SSBP4: variants seen among roughly 807,000 people sequenced by gnomAD.
The protein encoded by SSBP4 is single-stranded DNA-binding protein 4.
A neutral mutation model predicts 64.6 loss-of-function variants in SSBP4; 33 were observed. The ratio of observed to expected loss-of-function variants is 0.51; its 90% CI spans 0.39 to 0.68. The LOEUF is 0.68. SSBP4 is among the 30% of genes least tolerant of loss of function. The pLI is 0.00. For synonymous variants in SSBP4, 243 were observed against 224.0 expected (o/e 1.08, Z -0.76); for missense variants, 583 against 566.8 (o/e 1.03, Z -0.29).
the SSBP4 span, among the ~76,000 whole-genome samples, chr19:18,407,253 G>C: frequency 6.6e-6 from 1 of 151,864 alleles, no homozygotes; most frequent in Non-Finnish European, 1.5e-5. Flanking sequence ...GGCCAGGCTG[G>C]TCTCGAACTC....
At position 18,431,383 on chromosome 19, in the gene SSBP4, A is replaced by C; in HGVS notation, c.400A>C (p.Asn134His). 3 of 1,111,366 alleles carry C rather than the reference A, an allele frequency of 2.7e-6. No individual in the cohort carries two copies. The highest frequency in any genetic ancestry group is 3.5e-6 in the Non-Finnish European group (3 of 867,740). 68.8% of individuals were successfully genotyped at this position (1,111,366 alleles called of 1,614,324 possible). The change falls in exon 6 of 18, where the codon AAC becomes CAC. Residue 134 changes from asparagine (N) to histidine (H), a missense_variant. Around this residue, in one of 5 missense-constraint regions of SSBP4, gnomAD observed 444 missense variants for 386.6 expected, o/e 1.15. Transcript: ENST00000270061. ...CCCCGGCTCCCAGCCGTCCCCCCAC[A>C]ACCCCAACGCCCCCATGATGGGGCC... ...GPPGSQPSPH[N>H]PNAPMMGPHG...
chr19:18,422,077 C>A (rs1337853517), intron 1 of SSBP4, among the ~76,000 whole-genome samples: 2 of 152,122 alleles, frequency 1.3e-5, no homozygotes, highest in African/African-American at 4.8e-5. Flanking sequence ...GAAAGGATCG[C>A]TTGAACCTAG....
intron 6 of SSBP4, 32 bp downstream of exon 6, chr19:18,431,450 C>A: frequency 1.6e-6 from 2 of 1,251,706 alleles, no homozygotes; most frequent in Non-Finnish European, 2.2e-6. Context: ...CCCTCACACA[C>A]ACACATCCCC....
rs1463349461 is a variant in SSBP4 at position 18,431,783 on chromosome 19, C to A, written c.496-10C>A. The A allele has an allele frequency of 3.9e-6, 6 of 1,547,210 alleles. No homozygotes were observed. In the South Asian group the frequency reaches 7.1e-5, roughly 18 times the overall value. ...ACCCCACACTCAGTGCCGCCGCACC[C>A]CCTCCGCAGCCTCCCGCAGGCCTCC... is the stretch of plus-strand genomic sequence containing the variant. On this transcript the variant is annotated splice_polypyrimidine_tract_variant and intron_variant, in intron 7 of 17. Transcript: ENST00000270061.
chr19:18,429,476 G>T (rs1288480226), intron 4 of SSBP4, among the ~76,000 whole-genome samples: 1 of 151,836 alleles, frequency 6.6e-6, no homozygotes, highest in Non-Finnish European at 1.5e-5. Flanking sequence ...GGGGCGGGGG[G>T]GGGGTGCGGT....
In SSBP4 at chr19:18,434,213, G is replaced by A. The variant is rs759707465; in HGVS notation, c.1129-4G>A. On this transcript the variant is annotated splice_region_variant and splice_polypyrimidine_tract_variant and intron_variant, in intron 17 of 17. Coordinates refer to ENST00000270061, the MANE Select transcript of SSBP4 (RefSeq NM_032627.5). ...CTGCGCGCTGCCCCCTCCTCTCTCC[G>A]CAGTACTCGCCAGGGATGACCATGA... 6.2e-7 allele frequency: 1 copy of A among 1,611,540 alleles called. No individual in the cohort carries two copies. The highest frequency in any genetic ancestry group is 8.5e-7 in the Non-Finnish European group (1 of 1,179,442).
In SSBP4 at chr19:18,432,164, G is replaced by T; in HGVS notation, c.654G>T (p.Met218Ile). Residue 218 changes from methionine (M) to isoleucine (I), a missense_variant, in exon 10 of 18, where the codon ATG becomes ATT. Met to Ile is a conservative substitution (Grantham distance 10, BLOSUM62 1). This residue lies in a region of SSBP4 where 444 missense variants were observed against 386.6 expected (regional missense o/e 1.15). Coordinates refer to ENST00000270061, the MANE Select transcript of SSBP4 (RefSeq NM_032627.5). ...CTCCGCAGAGCTATGGAGGTGGCAT[G>T]CGACCCCCACCCAACTCCCTCGCCG... ...SVGPQSYGGG[M>I]RPPPNSLAGP... The T allele has an allele frequency of 5.0e-6, 8 of 1,613,166 alleles. No individual in the cohort carries two copies. The highest frequency in any genetic ancestry group is 6.8e-6 in the Non-Finnish European group (8 of 1,179,962).
chr19:18,418,970 C>A, upstream of SSBP4: 1 of 985,482 alleles, frequency 1.0e-6, no homozygotes. The surrounding 1 kb of genome is among the most constrained non-coding windows in gnomAD (Gnocchi z 6.7). Context: ...CCCACCCTTG[C>A]TGAGTGTGGG....
At chr19:18,433,686 CGA>C (rs1446191405) in intron 16 of SSBP4, 22 bp from the exon 17 acceptor site, 2 of 1,390,596 alleles carry the variant, frequency 1.4e-6, no homozygotes, top group African/African-American at 3.1e-5. Flanking sequence ...CGGGGAGTTG[CGA>C]GCCGACGGCG....
chr19:18,405,550 C>T, the SSBP4 span, among the ~76,000 whole-genome samples: 1 of 151,988 alleles, frequency 6.6e-6, no homozygotes, highest in Admixed American at 6.6e-5. Flanking sequence ...GACACCCATG[C>T]TGGAGTGCAA....
chr19:18,429,419 C>A (rs1331879791), intron 4 of SSBP4, among the ~76,000 whole-genome samples: 1 of 143,256 alleles, frequency 7.0e-6, no homozygotes, highest in Non-Finnish European at 1.5e-5. Context: ...GCGCGCCGCC[C>A]GGGATTAACT....
Position 18,430,727 on chromosome 19 carries a change from A to G in SSBP4, c.280-114A>G, listed in dbSNP as rs753537778. On this transcript the variant is annotated intron_variant, in intron 4 of 17. Coordinates refer to ENST00000270061, the MANE Select transcript of SSBP4 (RefSeq NM_032627.5). ...ACAACCCCAGTGTGCTCACTGACCAATGCCAGCTCGCTGTCCCATGGGGCC... is the reference window on the plus strand; with the variant it reads ...ACAACCCCAGTGTGCTCACTGACCAGTGCCAGCTCGCTGTCCCATGGGGCC... 28 of 885,178 alleles carry G rather than the reference A, an allele frequency of 3.2e-5. No homozygotes were observed. The Middle Eastern group carries it at 7.2e-4, about 23-fold the overall frequency. 54.8% of individuals were successfully genotyped at this position (885,178 alleles called of 1,614,324 possible).
chr19:18,410,232 A>G, the SSBP4 span, among the ~76,000 whole-genome samples: 142 of 151,604 alleles, frequency 9.4e-4, 1 homozygote, highest in Admixed American at 3.0e-3. Flanking sequence ...TCCTGACCTC[A>G]TGATCCGCCC....
rs748532041 is a variant in SSBP4 at position 18,427,824 on chromosome 19, G to A, written c.194+11G>A. ...GCACTCCTGGTGGTGGTACGGGCTGGGCTGCTGTGGGTGGGCTGTGGAAGG... is the reference window on the plus strand; with the variant it reads ...GCACTCCTGGTGGTGGTACGGGCTGAGCTGCTGTGGGTGGGCTGTGGAAGG... On this transcript the variant is annotated intron_variant, in intron 3 of 17. Transcript: ENST00000270061. The surrounding 1 kb of genome is among the most constrained non-coding windows in gnomAD (Gnocchi z 4.4). The A allele has an allele frequency of 6.2e-7, 1 of 1,612,458 alleles. No homozygotes were observed. Among genetic ancestry groups the A allele is most frequent in the Admixed American group, 1.7e-5 (1 of 59,960 alleles).
chr19:18,408,849 G>A, the SSBP4 span, among the ~76,000 whole-genome samples: 2 of 150,024 alleles, frequency 1.3e-5, no homozygotes, highest in Non-Finnish European at 3.0e-5. Flanking sequence ...GGTCTCACTC[G>A]GTCACCCAGG....
chr19:18,417,296 T>C (rs766253388), upstream of SSBP4, among the ~76,000 whole-genome samples: 18 of 152,066 alleles, frequency 1.2e-4, no homozygotes, highest in Admixed American at 2.6e-4. This position sits in a 1 kb window ranked among gnomAD's most constrained non-coding sequence, Gnocchi z 5.4. Context: ...CAGTAGGCGC[T>C]CAATACATGT....
At chr19:18,409,113 C>A in the SSBP4 span, among the ~76,000 whole-genome samples, 1 of 151,970 alleles carries the variant, frequency 6.6e-6, no homozygotes, top group Admixed American at 6.6e-5. Flanking sequence ...CATGCCCGGC[C>A]TAAATCAGCA....
In SSBP4 at chr19:18,427,477, C is replaced by A; in HGVS notation, c.132+54C>A. 6.3e-7 allele frequency: 1 copy of A among 1,578,652 alleles called. No individual in the cohort carries two copies. Among genetic ancestry groups the A allele is most frequent in the South Asian group, 1.1e-5 (1 of 89,498 alleles). Reference sequence around the variant, plus strand: ...CCTCCTCACCCACACTCCGGGGGTCCTTCATTTCCACTGGGGATCCAGGGG... The same window carrying A: ...CCTCCTCACCCACACTCCGGGGGTCATTCATTTCCACTGGGGATCCAGGGG... On this transcript the variant is annotated intron_variant, in intron 2 of 17. Coordinates refer to ENST00000270061, the MANE Select transcript of SSBP4 (RefSeq NM_032627.5). This position sits in a 1 kb window ranked among gnomAD's most constrained non-coding sequence, Gnocchi z 4.4.
At chr19:18,420,398 GGTAGGGGCAGGTTCCACC>G (rs1033822359) in intron 1 of SSBP4, among the ~76,000 whole-genome samples, 3 of 152,146 alleles carry the variant, frequency 2.0e-5, no homozygotes, top group African/African-American at 7.2e-5. Flanking sequence ...CTCTGAAGCT[GGTAGGGGCAGGTTCCACC>G]GTGCGGATGG....
Sources: gnomAD v4.1 joint callset for allele counts (sites outside exome capture counted in the v4.1 genomes callset) on GRCh38, gnomAD v4.1.1 for gene constraint, gnomAD v4.1.1 regional missense constraint, Gnocchi (gnomAD v3.1) non-coding constraint, MANE v1.5 for transcripts, NCBI Gene and HGNC (gene_info 2026-07-23, HGNC 2026-07-21) for gene names.